Variants in PRKAR1A observed in about 807,000 individuals in gnomAD.
PRKAR1A encodes the protein protein kinase cAMP-dependent type I regulatory subunit alpha, also known as cAMP-dependent protein kinase type I-alpha regulatory subunit.
In PRKAR1A, 3 loss-of-function variants were observed where a neutral mutation model predicts 52.0. The ratio of observed to expected loss-of-function variants is 0.06; its 90% confidence interval spans 0.03 to 0.15. The LOEUF (loss-of-function observed/expected upper bound fraction) is 0.15. Among genes scored for constraint, PRKAR1A ranks in the 10% least tolerant of loss-of-function variants. The pLI, the probability that PRKAR1A is intolerant of heterozygous loss-of-function variation, is 1.00. For synonymous variants in PRKAR1A, 188 were observed against 168.4 expected, an observed-to-expected ratio of 1.12 and a Z score of -0.90; for missense variants, 240 against 477.4, an observed-to-expected ratio of 0.50 and a Z score of 4.63.
chr17:68,548,725 ATTTTTTTT>A (rs753348891), intron 11 of PRKAR1A, among the ~76,000 whole-genome samples: 2 of 79,158 alleles, frequency 2.5e-5, no homozygotes, highest in African/African-American at 1.1e-4. Context: ...ATGCCTGTAT[ATTTTTTTT>A]TTTTTTTTTT....
At chr17:68,545,072 A>T (rs1277964331) in intron 11 of PRKAR1A, among the ~76,000 whole-genome samples, 1 of 152,218 alleles carries the variant, frequency 6.6e-6, no homozygotes, top group Non-Finnish European at 1.5e-5. Flanking sequence ...TCTCTCTTTA[A>T]TCAGAAAAAA....
the PRKAR1A span, among the ~76,000 whole-genome samples, chr17:68,464,714 A>C: frequency 6.6e-6 from 1 of 151,320 alleles, no homozygotes; most frequent in African/African-American, 2.4e-5. Context: ...AAAACAAAAA[A>C]AACACCTAAC....
At chr17:68,436,495 CAG>C in the PRKAR1A span, 2 of 1,611,596 alleles carry the variant, frequency 1.2e-6, no homozygotes, top group East Asian at 4.5e-5. Flanking sequence ...AAAGAAGAAA[CAG>C]AACATGAGAA....
downstream of PRKAR1A, chr17:68,536,141 A>C (rs901510231): frequency 4.8e-5 from 22 of 453,924 alleles, no homozygotes; most frequent in African/African-American, 4.4e-4. Flanking sequence ...CAGAAGTGTT[A>C]TTTGTCCAGT....
At chr17:68,425,736 AC>A in the PRKAR1A span, among the ~76,000 whole-genome samples, 44 of 152,216 alleles carry the variant, frequency 2.9e-4, 3 homozygotes, top group East Asian at 8.3e-3. Context: ...TAAGTTTTAG[AC>A]AAGTCACGTG....
the PRKAR1A span, among the ~76,000 whole-genome samples, chr17:68,453,459 C>T: frequency 2.0e-5 from 3 of 150,926 alleles, no homozygotes; most frequent in African/African-American, 7.3e-5. Context: ...TAAGAAGAAA[C>T]ATGCTTTGCT....
chr17:68,450,936 C>T, the PRKAR1A span: 3 of 1,586,074 alleles, frequency 1.9e-6, no homozygotes, highest in African/African-American at 2.7e-5. Context: ...ATGGATTGAT[C>T]ACTTCCAAGA....
intron 11 of PRKAR1A, among the ~76,000 whole-genome samples, chr17:68,543,107 C>T (rs947456458): frequency 6.6e-6 from 1 of 152,102 alleles, no homozygotes; most frequent in Non-Finnish European, 1.5e-5. Flanking sequence ...TTTTAATGTT[C>T]CTGTGAGTCA....
the PRKAR1A span, among the ~76,000 whole-genome samples, chr17:68,495,726 C>T: frequency 6.6e-6 from 1 of 151,936 alleles, no homozygotes; most frequent in African/African-American, 2.4e-5. Context: ...TAACAAATTA[C>T]AGAAAACTTA....
intron 11 of PRKAR1A, among the ~76,000 whole-genome samples, chr17:68,549,627 C>T (rs1172320123): frequency 2.0e-5 from 3 of 152,136 alleles, no homozygotes; most frequent in African/African-American, 7.2e-5. Flanking sequence ...TCATTAACAT[C>T]TCCTGTTTCT....
the PRKAR1A span, among the ~76,000 whole-genome samples, chr17:68,499,840 G>T: frequency 1.3e-5 from 2 of 152,208 alleles, no homozygotes; most frequent in Non-Finnish European, 2.9e-5. Flanking sequence ...GTTGGTCAAA[G>T]TATGGCCAGC....
chr17:68,542,692 A>T (rs762905130), intron 11 of PRKAR1A: 2 of 1,610,048 alleles, frequency 1.2e-6, no homozygotes, highest in Non-Finnish European at 1.7e-6. Flanking sequence ...CCAGTACTCT[A>T]CCTGGAGAGA....
chr17:68,439,266 G>A, the PRKAR1A span, among the ~76,000 whole-genome samples: 1 of 152,132 alleles, frequency 6.6e-6, no homozygotes, highest in African/African-American at 2.4e-5. Context: ...AAGAAAATGT[G>A]ATATATTTTT....
chr17:68,435,015 AAC>A, the PRKAR1A span, among the ~76,000 whole-genome samples: 1 of 152,126 alleles, frequency 6.6e-6, no homozygotes, highest in Non-Finnish European at 1.5e-5. Flanking sequence ...CAGCCTGGGC[AAC>A]ACAGTGAAGT....
chr17:68,426,238 C>CGGGGGGGGG, the PRKAR1A span: 3 of 615,186 alleles, frequency 4.9e-6, no homozygotes, highest in Non-Finnish European at 4.7e-6. Context: ...CATGACCTGG[C>CGGGGGGGGG]GGGTGGGGAG....
chr17:68,541,608 G>A (rs2086297347), intron 11 of PRKAR1A: 2 of 198,652 alleles, frequency 1.0e-5, no homozygotes, highest in East Asian at 1.3e-4. Context: ...GGGCTTGCTC[G>A]GGAACCAGGT....
At chr17:68,427,058 G>A in the PRKAR1A span, 1 of 1,228,110 alleles carries the variant, frequency 8.1e-7, no homozygotes, top group Non-Finnish European at 1.2e-6. Flanking sequence ...GAAGGGGGAA[G>A]GGGAGGGAGC....
intron 11 of PRKAR1A, among the ~76,000 whole-genome samples, chr17:68,548,893 C>T (rs34823732): frequency 0.031 from 4,678 of 151,664 alleles, 103 homozygotes; most frequent in Non-Finnish European, 0.048. Flanking sequence ...CCACCACGCC[C>T]GGCTAATTTT....
At position 68,524,001 on chromosome 17, in the gene PRKAR1A, TTC is replaced by T. The variant is rs2143292614; in HGVS notation, c.441-9_441-8del. ...GACATGTGAAATGTAACACGAGGCCTTCTCTCTTTTGCAGTGATATTTTTGAT... is the reference window on the plus strand; with the variant it reads ...GACATGTGAAATGTAACACGAGGCCTTCTCTTTTGCAGTGATATTTTTGAT... On this transcript the variant is annotated splice_polypyrimidine_tract_variant and intron_variant, in intron 4 of 10. Transcript: ENST00000589228. 1 of 1,613,942 alleles carries T rather than the reference TTC, an allele frequency of 6.2e-7. No homozygotes were observed. The highest frequency in any genetic ancestry group is 8.5e-7 in the Non-Finnish European group (1 of 1,179,818).
Sources: gnomAD v4.1 joint callset for allele counts (sites outside exome capture counted in the v4.1 genomes callset) on GRCh38, gnomAD v4.1.1 for gene constraint, MANE v1.5 for transcripts, NCBI Gene and HGNC (gene_info 2026-07-23, HGNC 2026-07-21) for gene names.